The following ANKS1B variants were observed in gnomAD, a reference collection of about 807,000 sequenced individuals.
The protein encoded by ANKS1B is ankyrin repeat and sterile alpha motif domain-containing protein 1B.
Under a neutral mutation model 148.3 loss-of-function variants are expected in ANKS1B, and 36 were observed. That is an observed-to-expected ratio of 0.24 (90% CI 0.19 to 0.32). The LOEUF (loss-of-function observed/expected upper bound fraction) is 0.32, where lower values mean the gene tolerates loss of function less well. Among genes scored for constraint, ANKS1B ranks in the 10% least tolerant of loss-of-function variants. The pLI, the probability that ANKS1B is intolerant of heterozygous loss-of-function variation, is 1.00. For synonymous variants in ANKS1B, 542 were observed against 560.8 expected (o/e 0.97, Z 0.47); for missense variants, 1,157 against 1,542.6 (o/e 0.75, Z 4.19).
chr12:98,735,721 A>G, intron 9 of ANKS1B: 1 of 609,456 alleles, frequency 1.6e-6, no homozygotes, highest in South Asian at 1.9e-5. Context: ...TGTGCCTGGC[A>G]TTGTGGTAGG....
In ANKS1B at chr12:99,250,682, G is replaced by T. The variant is rs187361230; in HGVS notation, c.1757-3818C>A. On this transcript the variant is annotated intron_variant, in intron 12 of 26. Transcript: ENST00000683438. ...ATTAATGGCCATTAAGTTTGGGAGG[G>T]TTTGATATATGAAAATATAAACTAT... Among the ~76,000 whole-genome samples the T allele has an allele frequency of 8.4e-3, 1,282 of 152,274 alleles. 19 individuals carry two copies. Among genetic ancestry groups the T allele is most frequent in the African/African-American group, 0.029 (1,217 of 41,560 alleles).
chr12:98,937,658 G>C (rs1467146664), intron 17 of ANKS1B, among the ~76,000 whole-genome samples: 1 of 152,008 alleles, frequency 6.6e-6, no homozygotes, highest in Non-Finnish European at 1.5e-5. Flanking sequence ...GGCTTCCACT[G>C]TACTGTACAC....
intron 8 of ANKS1B, among the ~76,000 whole-genome samples, chr12:99,676,012 G>A (rs938195485): frequency 4.6e-5 from 7 of 152,084 alleles, no homozygotes; most frequent in South Asian, 2.1e-4. Flanking sequence ...TGTCTTTGGA[G>A]GGACCCAGTG....
At chr12:99,946,667 T>C (rs548097453) in intron 1 of ANKS1B, among the ~76,000 whole-genome samples, 8 of 152,330 alleles carry the variant, frequency 5.3e-5, no homozygotes, top group African/African-American at 1.9e-4. Context: ...TGGTTTACAC[T>C]TTGGCCATGT....
At chr12:99,456,174 T>TAAC (rs1190440856) in intron 10 of ANKS1B, among the ~76,000 whole-genome samples, 1 of 151,592 alleles carries the variant, frequency 6.6e-6, no homozygotes, top group African/African-American at 2.4e-5. Context: ...AGAAGAAAAA[T>TAAC]AACAGTCACT....
chr12:98,866,528 C>T (rs1331149792), intron 17 of ANKS1B, among the ~76,000 whole-genome samples: 1 of 152,310 alleles, frequency 6.6e-6, no homozygotes, highest in African/African-American at 2.4e-5. Context: ...TGGCTCCAGC[C>T]CACTGCTGCA....
At chr12:99,567,062 C>T (rs1487746454) in intron 9 of ANKS1B, among the ~76,000 whole-genome samples, 1 of 152,166 alleles carries the variant, frequency 6.6e-6, no homozygotes, top group Non-Finnish European at 1.5e-5. Context: ...TGCTCAAAGC[C>T]TCCAAAGCTG....
rs1397139947 is a variant in ANKS1B, at chr12:99,718,053, G to A, written c.1128+54869C>T. Reference sequence around the variant, plus strand: ...CGAGTAGCTGGGACTACAGGCGCCCGCTACCACGCCCGGCTAATTTTTTGT... The same window carrying A: ...CGAGTAGCTGGGACTACAGGCGCCCACTACCACGCCCGGCTAATTTTTTGT... On this transcript the variant is annotated intron_variant, in intron 8 of 26. Coordinates refer to ENST00000683438, the MANE Select transcript of ANKS1B (RefSeq NM_001352186.2). Among the ~76,000 whole-genome samples the A allele has an allele frequency of 2.2e-4, 33 of 151,424 alleles. No individual in the cohort carries two copies. The South Asian group carries it at 4.2e-3, about 19-fold the overall frequency.
Position 98,829,206 on chromosome 12 carries a change from G to A in ANKS1B, c.3034C>T (p.Pro1012Ser). The A allele has an allele frequency of 6.2e-7, 1 of 1,614,022 alleles. No homozygotes were observed. The highest frequency in any genetic ancestry group is 8.5e-7 in the Non-Finnish European group (1 of 1,179,890). ...RRNENYFDDIPRSKLERQMAQ... is the reference protein window; with the variant it reads ...RRNENYFDDISRSKLERQMAQ... Reference sequence around the variant, plus strand: ...ATCTGCCTCTCCAGTTTTGATCGGGGAATATCATCAAAGTAGTTTTCATTT... The same window carrying A: ...ATCTGCCTCTCCAGTTTTGATCGGGAAATATCATCAAAGTAGTTTTCATTT... The change falls in exon 19 of 27, where the codon CCC becomes TCC. Residue 1012 changes from proline to serine, a missense_variant. Pro to Ser is a moderately conservative substitution (Grantham distance 74, BLOSUM62 -1). Around this residue, in one of 6 missense-constraint regions of ANKS1B, gnomAD observed 258 missense variants for 497.0 expected, o/e 0.52. Coordinates refer to ENST00000683438, the MANE Select transcript of ANKS1B (RefSeq NM_001352186.2). This position sits in a 1 kb window ranked among gnomAD's most constrained non-coding sequence, Gnocchi z 5.2.
At chr12:99,910,051 C>T (rs1273310402) in intron 1 of ANKS1B, among the ~76,000 whole-genome samples, 1 of 151,978 alleles carries the variant, frequency 6.6e-6, no homozygotes, top group African/African-American at 2.4e-5. Context: ...TAAAAAGATC[C>T]ATATAATAGA....
chr12:99,708,954 C>G (rs867306411), intron 8 of ANKS1B, among the ~76,000 whole-genome samples: 2 of 152,002 alleles, frequency 1.3e-5, no homozygotes, highest in South Asian at 4.1e-4. Context: ...ACAAAGCCAT[C>G]TAAAATACAA....
chr12:99,658,472 C>T (rs1037554167), intron 8 of ANKS1B, among the ~76,000 whole-genome samples: 1 of 152,068 alleles, frequency 6.6e-6, no homozygotes, highest in African/African-American at 2.4e-5. Context: ...AGATTTCCCA[C>T]AAGCATGCAT....
At chr12:99,500,417 C>T (rs137884821) in intron 10 of ANKS1B, among the ~76,000 whole-genome samples, 1 of 152,298 alleles carries the variant, frequency 6.6e-6, no homozygotes, top group East Asian at 1.9e-4. Flanking sequence ...GTTACTGGTA[C>T]ATAGCCAACA....
At chr12:99,948,323 T>C (rs1008394640) in intron 1 of ANKS1B, among the ~76,000 whole-genome samples, 2 of 151,274 alleles carry the variant, frequency 1.3e-5, no homozygotes, top group African/African-American at 4.9e-5. Flanking sequence ...TATGCCATCC[T>C]GGCCATAGCA....
chr12:99,613,383 T>G (rs570720469), intron 9 of ANKS1B, among the ~76,000 whole-genome samples: 2 of 152,064 alleles, frequency 1.3e-5, no homozygotes, highest in Admixed American at 6.6e-5. Context: ...AATTGTTCCA[T>G]TATAAAATAC....
At chr12:98,966,381 T>G (rs1488650367) in intron 17 of ANKS1B, among the ~76,000 whole-genome samples, 1 of 152,086 alleles carries the variant, frequency 6.6e-6, no homozygotes, top group African/African-American at 2.4e-5. Flanking sequence ...ATGGCAATCA[T>G]TAAAAAATCA....
intron 17 of ANKS1B, among the ~76,000 whole-genome samples, chr12:98,903,026 A>G (rs1319568193): frequency 6.6e-6 from 1 of 152,146 alleles, no homozygotes. Context: ...TTTTTAGAGG[A>G]CAAAATAGTC....
chr12:99,648,645 T>A (rs772833388), intron 9 of ANKS1B: 5 of 1,614,226 alleles, frequency 3.1e-6, no homozygotes, highest in Non-Finnish European at 4.2e-6. Context: ...CTCCATCGGA[T>A]GCAAGTGAAG....
intron 12 of ANKS1B, among the ~76,000 whole-genome samples, chr12:99,378,597 G>A (rs1480640771): frequency 2.0e-5 from 3 of 147,590 alleles, no homozygotes; most frequent in Non-Finnish European, 4.5e-5. Context: ...GGAGGTTGCA[G>A]TGAGCCGAGA....
Sources: gnomAD v4.1 joint callset for allele counts (sites outside exome capture counted in the v4.1 genomes callset) on GRCh38, gnomAD v4.1.1 for gene constraint, gnomAD v4.1.1 regional missense constraint, Gnocchi (gnomAD v3.1) non-coding constraint, MANE v1.5 for transcripts, NCBI Gene and HGNC (gene_info 2026-07-23, HGNC 2026-07-21) for gene names.